C11orf21: variants seen among roughly 807,000 people sequenced by gnomAD.
C11orf21 encodes uncharacterized protein C11orf21.
In C11orf21, 19 loss-of-function variants were observed where a neutral mutation model predicts 15.2. The ratio of observed to expected loss-of-function variants is 1.25; its 90% CI spans 0.87 to 1.84. C11orf21 has a LOEUF of 1.84. Ranked by LOEUF, C11orf21 falls within the 40% of genes most tolerant of loss-of-function variation. The pLI is 0.00. For missense variants in C11orf21, 171 were observed against 174.4 expected (o/e 0.98, Z 0.11); for synonymous variants, 62 against 66.8 (o/e 0.93, Z 0.35).
upstream of C11orf21, chr11:2,302,823 CTG>C (rs767716890): frequency 6.2e-7 from 1 of 1,605,592 alleles, no homozygotes; most frequent in Non-Finnish European, 8.5e-7. Context: ...GCCCCACACT[CTG>C]AGTCTGCCCT....
At position 2,301,843 on chromosome 11, in the gene C11orf21, A is replaced by G. The variant is rs1196400465; in HGVS notation, c.-35T>C. The G allele has an allele frequency of 3.9e-6, 6 of 1,550,502 alleles. No individual in the cohort carries two copies. Among genetic ancestry groups the G allele is most frequent in the Non-Finnish European group, 5.2e-6 (6 of 1,146,906 alleles). ...CCTCTCAGCGCCGTCCTCAGTGGCCACACCAAGAACGAGGCCATGTCTTCC... is the reference window on the plus strand; with the variant it reads ...CCTCTCAGCGCCGTCCTCAGTGGCCGCACCAAGAACGAGGCCATGTCTTCC... On this transcript the variant is annotated 5_prime_UTR_variant, in exon 1 of 4. Transcript: ENST00000381153.
chr11:2,298,928 A>T (rs1380104494), intron 3 of C11orf21, among the ~76,000 whole-genome samples: 2 of 151,980 alleles, frequency 1.3e-5, no homozygotes, highest in Non-Finnish European at 2.9e-5. Flanking sequence ...TGCCCACTGG[A>T]GTTGGCCAGC....
rs977589142 is a variant in C11orf21 at position 2,297,124 on chromosome 11, A to G, written c.*826T>C. On this transcript the variant is annotated 3_prime_UTR_variant, in exon 4 of 4. Coordinates refer to ENST00000381153, the MANE Select transcript of C11orf21 (RefSeq NM_001329958.2). ...AGCATGGGCTGCAGGGATGGCCCTG[A>G]GTAGGACACACAGCTCCCGAGACCC... The G allele has an allele frequency of 9.8e-5, 15 of 152,342 alleles. No individual in the cohort carries two copies. The highest frequency in any genetic ancestry group is 3.6e-4 in the African/African-American group (15 of 41,438). 9.4% of individuals were successfully genotyped at this position (152,342 alleles called of 1,614,324 possible).
chr11:2,302,450 T>C (rs2234293), upstream of C11orf21, among the ~76,000 whole-genome samples: 1,051 of 152,124 alleles, frequency 6.9e-3, 14 homozygotes, highest in African/African-American at 0.024. Context: ...GGAGGAGGCC[T>C]GAGTGGGGCT....
chr11:2,301,348 A>C, intron 1 of C11orf21: 1 of 191,112 alleles, frequency 5.2e-6, no homozygotes, highest in Non-Finnish European at 1.1e-5. Flanking sequence ...CACCTGGAAC[A>C]TTTTCACCCT....
upstream of C11orf21, chr11:2,302,747 G>A: frequency 2.1e-6 from 2 of 956,366 alleles, no homozygotes; most frequent in Non-Finnish European, 3.2e-6. Context: ...CACGGGACCG[G>A]GAAGCTGGAG....
At chr11:2,302,142 G>A (rs1457631842), upstream of C11orf21, 1 of 1,469,036 alleles carries the variant, frequency 6.8e-7, no homozygotes, top group Non-Finnish European at 9.0e-7. Flanking sequence ...GAGAGGAGAG[G>A]AACCGTCATG....
At chr11:2,301,193 T>C (rs914177642) in intron 1 of C11orf21, 4 of 246,574 alleles carry the variant, frequency 1.6e-5, no homozygotes, top group Non-Finnish European at 3.2e-5. Flanking sequence ...ACGCTGGGGT[T>C]GCCATGCCTG....
chr11:2,298,751 C>T lies in C11orf21; in HGVS notation c.*28+677G>A, dbSNP rs555790979. 7.8e-4 allele frequency among the ~76,000 whole-genome samples: 119 copies of T among 152,276 alleles called. 2 individuals are homozygous for T. In the South Asian group the frequency reaches 0.023, roughly 30 times the overall value. On this transcript the variant is annotated intron_variant, in intron 3 of 3. Coordinates refer to ENST00000381153, the MANE Select transcript of C11orf21 (RefSeq NM_001329958.2). Reference sequence around the variant, plus strand: ...CACAGCGTGGATGTGGATAGAGACGCCTCCCCTACAGTCTGTCCCTGGTAT... The same window carrying T: ...CACAGCGTGGATGTGGATAGAGACGTCTCCCCTACAGTCTGTCCCTGGTAT...
At chr11:2,301,546 C>G (rs1054811754) in intron 1 of C11orf21, 20 of 509,690 alleles carry the variant, frequency 3.9e-5, no homozygotes, top group African/African-American at 2.9e-4. Context: ...CCCAAGAAGG[C>G]TCTGCGACAA....
chr11:2,297,017 C>T lies in C11orf21; in HGVS notation c.*933G>A, dbSNP rs998049096. 1 of 152,368 alleles carries T rather than the reference C, an allele frequency of 6.6e-6. No individual in the cohort carries two copies. Among genetic ancestry groups the T allele is most frequent in the African/African-American group, 2.4e-5 (1 of 41,456 alleles). The allele number at this position is 152,368 out of a possible 1,614,324, so 9.4% of individuals were successfully genotyped here. On this transcript the variant is annotated 3_prime_UTR_variant, in exon 4 of 4. Coordinates refer to ENST00000381153, the MANE Select transcript of C11orf21 (RefSeq NM_001329958.2). ...GGCTGGGCAGCATTGGCTGAGCCCC[C>T]ACCGCACCTTCCCTCCCACCCTGGG... is the stretch of plus-strand genomic sequence containing the variant.
intron 1 of C11orf21, 121 bp from the exon 2 acceptor site, chr11:2,300,734 A>C (rs1271340789): frequency 6.4e-7 from 1 of 1,550,986 alleles, no homozygotes; most frequent in South Asian, 1.2e-5. Flanking sequence ...CCGCCTCACC[A>C]GCTCCAGGGA....
chr11:2,299,367 G>A (rs1847614518), intron 3 of C11orf21, 61 bp downstream of exon 3: 10 of 1,484,458 alleles, frequency 6.7e-6, no homozygotes, highest in African/African-American at 1.4e-5. Context: ...CGGTGGGAGG[G>A]GCCGCGCTCA....
upstream of C11orf21, chr11:2,302,777 C>A: frequency 1.5e-6 from 2 of 1,371,652 alleles, no homozygotes; most frequent in South Asian, 1.2e-5. Flanking sequence ...ACCCTGCCCG[C>A]TGGGGCCGAG....
At chr11:2,298,465 C>T (rs1296575152) in intron 3 of C11orf21, among the ~76,000 whole-genome samples, 3 of 152,236 alleles carry the variant, frequency 2.0e-5, no homozygotes, top group African/African-American at 7.2e-5. Flanking sequence ...GCCCTGCAGC[C>T]TGCCTTGTCT....
chr11:2,301,126 G>T (rs1847720141), intron 1 of C11orf21: 2 of 315,940 alleles, frequency 6.3e-6, no homozygotes, highest in East Asian at 1.7e-4. Flanking sequence ...GGTGGCCTCA[G>T]CAGTTCCTCC....
At chr11:2,302,128 A>T, upstream of C11orf21, 1 of 1,460,798 alleles carries the variant, frequency 6.8e-7, no homozygotes, top group African/African-American at 1.4e-5. Flanking sequence ...GGAGGGGAGG[A>T]GAGGAGAGGA....
chr11:2,302,565 C>T (rs2133280718), upstream of C11orf21: 1 of 543,774 alleles, frequency 1.8e-6, no homozygotes, highest in East Asian at 3.1e-5. Flanking sequence ...GGGCTCACTC[C>T]CACTCCGTAG....
At position 2,296,278 on chromosome 11, in the gene C11orf21, T is replaced by C. The variant is rs148433625; in HGVS notation, c.*1672A>G. On this transcript the variant is annotated 3_prime_UTR_variant, in exon 4 of 4. Transcript: ENST00000381153. This position sits in a 1 kb window ranked among gnomAD's most constrained non-coding sequence, Gnocchi z 5.6. ...CAGCATAGTAGCCCCCACCCTCAGGTCAGGGAACAAATGTGGGGGCTCTGC... is the reference window on the plus strand; with the variant it reads ...CAGCATAGTAGCCCCCACCCTCAGGCCAGGGAACAAATGTGGGGGCTCTGC... 1 of 152,222 alleles carries C rather than the reference T, an allele frequency of 6.6e-6. No homozygotes were observed. The highest frequency in any genetic ancestry group is 2.4e-5 in the African/African-American group (1 of 41,524). The allele number at this position is 152,222 out of a possible 1,614,324, so 9.4% of individuals were successfully genotyped here. A position where few individuals can be genotyped will look rare whatever the true frequency, so the allele number is the denominator to read the frequency against.
Sources: gnomAD v4.1 joint callset for allele counts (sites outside exome capture counted in the v4.1 genomes callset) on GRCh38, gnomAD v4.1.1 for gene constraint, Gnocchi (gnomAD v3.1) non-coding constraint, MANE v1.5 for transcripts, NCBI Gene and HGNC (gene_info 2026-07-23, HGNC 2026-07-21) for gene names.